The following ACBD3 variants were observed in gnomAD, a reference collection of about 807,000 sequenced individuals.
The protein encoded by ACBD3 is Golgi resident protein GCP60.
ACBD3 carries 30 observed loss-of-function variants against 66.9 expected under a neutral mutation model. That is an observed-to-expected ratio of 0.45 (90% confidence interval 0.34 to 0.61). ACBD3 has a LOEUF of 0.61. Ranked by LOEUF, ACBD3 falls within the 20% of genes least tolerant of loss-of-function variation. The pLI is 0.02. For missense variants in ACBD3, 544 were observed against 664.5 expected (o/e 0.82, Z 1.99); for synonymous variants, 278 against 259.8 (o/e 1.07, Z -0.68).
rs1659455495 is a variant in ACBD3 at position 226,146,569 on chromosome 1, C to A, written c.*41G>T. 6.4e-7 allele frequency: 1 copy of A among 1,552,110 alleles called. No individual in the cohort carries two copies. The highest frequency in any genetic ancestry group is 2.3e-5 in the East Asian group (1 of 44,384). ...AAGAAATTTCCAAATTAAATGTCAT[C>A]TTCTGCCCAACCCTAGACTCCAGAC... On this transcript the variant is annotated 3_prime_UTR_variant, in exon 8 of 8. Transcript: ENST00000366812.
chr1:226,160,969 G>A (rs1004595992), intron 4 of ACBD3, among the ~76,000 whole-genome samples: 6 of 152,232 alleles, frequency 3.9e-5, no homozygotes, highest in South Asian at 4.1e-4. Flanking sequence ...ATAAATCCTC[G>A]GACAGCCTTG....
intron 7 of ACBD3, among the ~76,000 whole-genome samples, chr1:226,147,141 C>CG (rs1164356415): frequency 6.6e-6 from 1 of 152,230 alleles, no homozygotes; most frequent in African/African-American, 2.4e-5. Flanking sequence ...CCACCTGCCT[C>CG]GGCCTCCCAA....
intron 1 of ACBD3, among the ~76,000 whole-genome samples, chr1:226,167,479 T>A (rs1659897269): frequency 6.6e-6 from 1 of 152,248 alleles, no homozygotes; most frequent in Non-Finnish European, 1.5e-5. Flanking sequence ...TAGGTTTCCA[T>A]ATAGGCAATT....
Position 226,152,609 on chromosome 1 carries a change from T to A in ACBD3, c.1101A>T (p.Pro367=). The change falls in exon 7 of 8, where the codon CCA becomes CCT. Residue 367 remains proline (P), a synonymous_variant. Transcript: ENST00000366812. The part of the protein sequence containing the change: ...ALENGPKESL[P]VIAAPSMWTR... Reference sequence around the variant, plus strand: ...TCCACATGGATGGAGCTGCTATTACTGGAAGAGATTCTAAAGGCAATAGGT... The same window carrying A: ...TCCACATGGATGGAGCTGCTATTACAGGAAGAGATTCTAAAGGCAATAGGT... 3.1e-6 allele frequency: 5 copies of A among 1,613,732 alleles called. No individual in the cohort carries two copies. The highest frequency in any genetic ancestry group is 4.2e-6 in the Non-Finnish European group (5 of 1,179,752).
intron 4 of ACBD3, 65 bp from the exon 5 acceptor site, chr1:226,159,423 G>A (rs1031864635): frequency 6.7e-7 from 1 of 1,498,784 alleles, no homozygotes; most frequent in African/African-American, 1.4e-5. Context: ...AAAATAAAAT[G>A]TCCTTATTAC....
At chr1:226,155,366 G>C (rs925675647) in intron 5 of ACBD3, among the ~76,000 whole-genome samples, 2 of 149,438 alleles carry the variant, frequency 1.3e-5, no homozygotes, top group Non-Finnish European at 3.0e-5. Flanking sequence ...GCAGTGACCT[G>C]AGATCGTGCC....
chr1:226,179,427 ACTATC>A (rs1656122556), intron 1 of ACBD3, among the ~76,000 whole-genome samples: 1 of 152,140 alleles, frequency 6.6e-6, no homozygotes, highest in African/African-American at 2.4e-5. Flanking sequence ...GGAGAGCAGG[ACTATC>A]TCTCTCTTTC....
chr1:226,180,731 G>C (rs1656151576), intron 1 of ACBD3, among the ~76,000 whole-genome samples: 1 of 152,166 alleles, frequency 6.6e-6, no homozygotes, highest in South Asian at 2.1e-4. Context: ...GGGCACAGTG[G>C]CTCACGCCTG....
chr1:226,151,486 A>G (rs1659571500), intron 7 of ACBD3, among the ~76,000 whole-genome samples: 1 of 152,226 alleles, frequency 6.6e-6, no homozygotes, highest in East Asian at 1.9e-4. Flanking sequence ...CTGTCCTTTA[A>G]AACACCCAAT....
At chr1:226,164,273 T>C (rs1317684183) in intron 3 of ACBD3, among the ~76,000 whole-genome samples, 2 of 152,000 alleles carry the variant, frequency 1.3e-5, no homozygotes, top group African/African-American at 4.8e-5. Flanking sequence ...AATTCACAAC[T>C]ACAACAGAGA....
intron 1 of ACBD3, among the ~76,000 whole-genome samples, chr1:226,168,699 CCTA>C (rs1487425035): frequency 6.6e-6 from 1 of 152,202 alleles, no homozygotes; most frequent in Admixed American, 6.5e-5. Flanking sequence ...GTTAAACTAA[CCTA>C]CTGTGCTGCC....
At position 226,186,724 on chromosome 1, in the gene ACBD3, G is replaced by C; in HGVS notation, c.-49C>G. 7.0e-7 allele frequency: 1 copy of C among 1,430,936 alleles called. No homozygotes were observed. Among genetic ancestry groups the C allele is most frequent in the Non-Finnish European group, 9.1e-7 (1 of 1,094,952 alleles). 88.6% of individuals were successfully genotyped at this position (1,430,936 alleles called of 1,614,324 possible). A position where few individuals can be genotyped will look rare whatever the true frequency, so the allele number is the denominator to read the frequency against. On this transcript the variant is annotated 5_prime_UTR_variant, in exon 1 of 8. Transcript: ENST00000366812. ...CGGGGACAGACGGCAGCCACGTATC[G>C]ACTTCCTGCTGACCTCTGACCTCCG... is the stretch of plus-strand genomic sequence containing the variant.
intron 6 of ACBD3, 131 bp downstream of exon 6, chr1:226,154,516 G>C: frequency 6.7e-6 from 7 of 1,049,010 alleles, no homozygotes; most frequent in East Asian, 2.5e-5. Context: ...AGACTAAAAA[G>C]AGTAAAAAAA....
intron 1 of ACBD3, among the ~76,000 whole-genome samples, chr1:226,170,020 C>CAAAAAA (rs771896387): frequency 1.3e-5 from 1 of 74,946 alleles, no homozygotes; most frequent in Non-Finnish European, 2.5e-5. Flanking sequence ...GATTCCATCT[C>CAAAAAA]AAAAAAAAAA....
chr1:226,175,380 G>A lies in ACBD3; in HGVS notation c.287-9380C>T, dbSNP rs1352925952. Reference sequence around the variant, plus strand: ...AAATCTAACCACAATAGGAAAAGACGAAGGTAATTTCCAGGATGACAGTTG... The same window carrying A: ...AAATCTAACCACAATAGGAAAAGACAAAGGTAATTTCCAGGATGACAGTTG... On this transcript the variant is annotated intron_variant, in intron 1 of 7. Coordinates refer to ENST00000366812, the MANE Select transcript of ACBD3 (RefSeq NM_022735.4). Among the ~76,000 whole-genome samples, 12 of 152,264 alleles carry A rather than the reference G, an allele frequency of 7.9e-5. No individual in the cohort carries two copies. In the East Asian group the frequency reaches 1.3e-3, roughly 17 times the overall value.
intron 5 of ACBD3, among the ~76,000 whole-genome samples, chr1:226,158,234 T>G (rs1455561151): frequency 6.6e-6 from 1 of 152,238 alleles, no homozygotes; most frequent in East Asian, 1.9e-4. Context: ...GATTATTTCA[T>G]GCAGTAAGAA....
At chr1:226,150,850 A>G (rs1659559586) in intron 7 of ACBD3, among the ~76,000 whole-genome samples, 1 of 152,216 alleles carries the variant, frequency 6.6e-6, no homozygotes, top group South Asian at 2.1e-4. Flanking sequence ...CCTGTGGTAT[A>G]ATGAAGGATT....
chr1:226,178,096 C>T (rs1160066382), intron 1 of ACBD3, among the ~76,000 whole-genome samples: 1 of 151,898 alleles, frequency 6.6e-6, no homozygotes, highest in Non-Finnish European at 1.5e-5. Flanking sequence ...AGGAAACTAA[C>T]ATGATATACA....
chr1:226,186,338 CG>C, intron 1 of ACBD3, 51 bp downstream of exon 1: 1 of 1,464,574 alleles, frequency 6.8e-7, no homozygotes, highest in Non-Finnish European at 9.0e-7. Flanking sequence ...CAGCCCACGC[CG>C]GGCTCCCGGG....
Sources: gnomAD v4.1 joint callset for allele counts (sites outside exome capture counted in the v4.1 genomes callset) on GRCh38, gnomAD v4.1.1 for gene constraint, MANE v1.5 for transcripts, NCBI Gene and HGNC (gene_info 2026-07-23, HGNC 2026-07-21) for gene names.